INSL6: variants seen among roughly 807,000 people sequenced by gnomAD.
INSL6 encodes insulin like 6, also known as insulin-like peptide INSL6.
INSL6 carries 16 observed loss-of-function variants against 9.4 expected under a neutral mutation model. The ratio of observed to expected loss-of-function variants is 1.70; its 90% CI spans 1.15 to 2.59. The LOEUF (loss-of-function observed/expected upper bound fraction) is 2.59. Among genes scored for constraint, INSL6 ranks in the 30% most tolerant of loss-of-function variants. INSL6 has a pLI of 0.00. For synonymous variants in INSL6, 154 were observed against 96.9 expected, an observed-to-expected ratio of 1.59 and a Z score of -3.46; for missense variants, 391 against 257.3, an observed-to-expected ratio of 1.52 and a Z score of -3.56.
At chr9:5,032,672 T>C in the INSL6 span, among the ~76,000 whole-genome samples, 1 of 152,202 alleles carries the variant, frequency 6.6e-6, no homozygotes, top group Non-Finnish European at 1.5e-5. Flanking sequence ...CCAACAGACC[T>C]GCAGCAGAGG....
the INSL6 span, among the ~76,000 whole-genome samples, chr9:5,005,072 A>G: frequency 3.6e-4 from 44 of 123,346 alleles, no homozygotes; most frequent in East Asian, 0.01. Flanking sequence ...ATGTGCCAGC[A>G]TGCCTGGCTA....
chr9:5,107,037 A>G, the INSL6 span, among the ~76,000 whole-genome samples: 2 of 152,200 alleles, frequency 1.3e-5, no homozygotes, highest in South Asian at 2.1e-4. Flanking sequence ...TAATAAAAAT[A>G]TATATACATC....
the INSL6 span, among the ~76,000 whole-genome samples, chr9:5,042,735 G>A: frequency 2.6e-5 from 4 of 152,192 alleles, no homozygotes; most frequent in African/African-American, 7.2e-5. Flanking sequence ...CACCTGGGAG[G>A]GACACAGGCA....
chr9:5,095,091 C>T, the INSL6 span: 21 of 152,134 alleles, frequency 1.4e-4, no homozygotes, highest in South Asian at 6.2e-4. Flanking sequence ...ATTTCTGGAA[C>T]TATAGGAATT....
chr9:5,089,460 CCCA>C, the INSL6 span, among the ~76,000 whole-genome samples: 13 of 145,062 alleles, frequency 9.0e-5, no homozygotes, highest in African/African-American at 3.1e-4. Flanking sequence ...ATGGTGTGAA[CCCA>C]GGGGGCGGAG....
chr9:5,032,858 C>T, the INSL6 span, among the ~76,000 whole-genome samples: 13 of 152,246 alleles, frequency 8.5e-5, no homozygotes, highest in African/African-American at 1.7e-4. Context: ...TCCAAAGGAA[C>T]GCAGCTCCTT....
chr9:5,097,318 C>A, the INSL6 span: 2 of 152,218 alleles, frequency 1.3e-5, no homozygotes, highest in South Asian at 2.1e-4. Flanking sequence ...ACTTTTTGAC[C>A]CTGCTGGTGG....
the INSL6 span, among the ~76,000 whole-genome samples, chr9:5,016,045 G>A: frequency 6.6e-6 from 1 of 152,138 alleles, no homozygotes; most frequent in Non-Finnish European, 1.5e-5. Context: ...TGCTCTTGTG[G>A]TACAACATGG....
At chr9:5,055,741 A>T in the INSL6 span, 7 of 1,610,884 alleles carry the variant, frequency 4.3e-6, no homozygotes, top group Non-Finnish European at 5.9e-6. Flanking sequence ...AGAGGGTTCA[A>T]ATGAAAGCCG....
the INSL6 span, among the ~76,000 whole-genome samples, chr9:5,019,314 C>T: frequency 1.9e-4 from 29 of 152,150 alleles, no homozygotes; most frequent in South Asian, 2.7e-3. Flanking sequence ...ATTCTTTCTT[C>T]GTAGATGCTC....
the INSL6 span, among the ~76,000 whole-genome samples, chr9:5,002,732 G>C: frequency 6.6e-6 from 1 of 151,846 alleles, no homozygotes; most frequent in African/African-American, 2.4e-5. Flanking sequence ...GAAATTTTTA[G>C]TGTAATAGTT....
chr9:5,103,952 A>G, the INSL6 span, among the ~76,000 whole-genome samples: 22 of 152,370 alleles, frequency 1.4e-4, 1 homozygote, highest in African/African-American at 4.6e-4. Flanking sequence ...CTAAATGCCC[A>G]CAAGAGAAAG....
the INSL6 span, among the ~76,000 whole-genome samples, chr9:4,994,996 T>C: frequency 6.6e-6 from 1 of 152,172 alleles, no homozygotes; most frequent in Non-Finnish European, 1.5e-5. Flanking sequence ...GAGTTGCTGA[T>C]TCAAAAGTGG....
chr9:5,056,195 A>G, the INSL6 span, among the ~76,000 whole-genome samples: 1 of 152,150 alleles, frequency 6.6e-6, no homozygotes, highest in South Asian at 2.1e-4. Context: ...TGGAATTTAT[A>G]TAACAAAATG....
chr9:5,050,801 A>T, the INSL6 span: 4 of 1,613,778 alleles, frequency 2.5e-6, no homozygotes, highest in Non-Finnish European at 3.4e-6. Flanking sequence ...GAAAACGATC[A>T]AACCCCACTG....
chr9:5,169,531 C>T (rs1175705163), intron 1 of INSL6, among the ~76,000 whole-genome samples: 5 of 152,112 alleles, frequency 3.3e-5, no homozygotes, highest in Admixed American at 3.3e-4. Flanking sequence ...ACAATATTAA[C>T]CTTAAATGTA....
At chr9:5,152,773 G>T (rs1232055777) in intron 2 of INSL6, among the ~76,000 whole-genome samples, 2 of 152,214 alleles carry the variant, frequency 1.3e-5, no homozygotes, top group Admixed American at 6.5e-5. Context: ...GGCCAAACAG[G>T]AACAGCTCCA....
At chr9:5,063,278 C>A in the INSL6 span, among the ~76,000 whole-genome samples, 3 of 152,138 alleles carry the variant, frequency 2.0e-5, no homozygotes, top group Admixed American at 6.5e-5. Flanking sequence ...TCATTTTCTA[C>A]AAGAACTCTG....
chr9:4,998,490 C>CAG, the INSL6 span, among the ~76,000 whole-genome samples: 1 of 152,038 alleles, frequency 6.6e-6, no homozygotes, highest in East Asian at 1.9e-4. Context: ...CTCCTGACCT[C>CAG]GTGATCCGCC....
Sources: allele counts gnomAD v4.1 joint callset (sites outside exome capture counted in the v4.1 genomes callset), GRCh38; gene constraint gnomAD v4.1.1; transcripts MANE v1.5; gene names NCBI Gene and HGNC (gene_info 2026-07-23, HGNC 2026-07-21).